SLC49A4: variants seen among roughly 807,000 people sequenced by gnomAD.
SLC49A4 encodes disrupted in renal cancer protein 2.
In SLC49A4, 36 loss-of-function variants were observed where a neutral mutation model predicts 50.6. The ratio of observed to expected loss-of-function variants is 0.71; its 90% CI spans 0.55 to 0.94. SLC49A4 has a LOEUF of 0.94. Among genes scored for constraint, SLC49A4 ranks in the 40% least tolerant of loss-of-function variants. The probability of loss-of-function intolerance (pLI) is 0.00; values close to 1 mark genes in which losing one functional copy is unlikely to be tolerated. For synonymous variants in SLC49A4, 248 were observed against 241.2 expected (o/e 1.03, Z -0.26); for missense variants, 503 against 605.7 (o/e 0.83, Z 1.78).
chr3:122,818,074 A>G (rs1936398929), intron 2 of SLC49A4, among the ~76,000 whole-genome samples: 1 of 152,208 alleles, frequency 6.6e-6, no homozygotes, highest in South Asian at 2.1e-4. Flanking sequence ...GAAAGTAGCT[A>G]ATATTCACAT....
chr3:122,827,170 G>C (rs1164699163), intron 3 of SLC49A4, 105 bp downstream of exon 3: 6 of 1,255,744 alleles, frequency 4.8e-6, no homozygotes, highest in Non-Finnish European at 6.6e-6. Context: ...TACTTGAGAG[G>C]ACTAATATGT....
At chr3:122,869,928 C>T (rs1340505434) in intron 7 of SLC49A4, among the ~76,000 whole-genome samples, 1 of 152,090 alleles carries the variant, frequency 6.6e-6, no homozygotes, top group African/African-American at 2.4e-5. Flanking sequence ...TTTCTTTGTA[C>T]CATGCTTGAT....
intron 8 of SLC49A4, 98 bp downstream of exon 8, chr3:122,872,695 G>A (rs1309708968): frequency 4.6e-5 from 36 of 785,356 alleles, no homozygotes; most frequent in Non-Finnish European, 2.1e-5. Flanking sequence ...GTCTCACCAA[G>A]GCAAATTACT....
chr3:122,873,681 CAT>C (rs1205647171), intron 8 of SLC49A4, among the ~76,000 whole-genome samples: 1 of 152,162 alleles, frequency 6.6e-6, no homozygotes, highest in East Asian at 1.9e-4. Context: ...TTTGGTTTAT[CAT>C]ATGAAGGAGA....
rs770817744 is a variant in SLC49A4, at chr3:122,872,584, A to G, written c.1308A>G (p.Thr436=). The G allele has an allele frequency of 5.7e-6, 9 of 1,581,802 alleles. No homozygotes were observed. In the Admixed American group the frequency reaches 1.4e-4, roughly 25 times the overall value. ...MFMGVLLFFL[T]FYHTELSWFN... is the part of the protein sequence containing the mutation. ...TGGGAGTACTTTTATTTTTTCTCAC[A>G]TTTTATCATACAGGTAAGAAATTTG... is the stretch of plus-strand genomic sequence containing the variant. Residue 436 remains threonine, a synonymous_variant, in exon 8 of 9, where the codon ACA becomes ACG. Transcript: ENST00000261038.
At chr3:122,816,616 A>G (rs144474837) in intron 2 of SLC49A4, among the ~76,000 whole-genome samples, 40 of 152,338 alleles carry the variant, frequency 2.6e-4, no homozygotes, top group African/African-American at 9.4e-4. Flanking sequence ...TGGTTCAAAC[A>G]AGACAATATT....
At chr3:122,844,226 A>C (rs886086813) in intron 4 of SLC49A4, among the ~76,000 whole-genome samples, 1 of 152,140 alleles carries the variant, frequency 6.6e-6, no homozygotes, top group African/African-American at 2.4e-5. Flanking sequence ...GCACACCACT[A>C]TACCTGGCTA....
chr3:122,823,712 A>G (rs1161071222), intron 2 of SLC49A4, among the ~76,000 whole-genome samples: 1 of 152,234 alleles, frequency 6.6e-6, no homozygotes, highest in East Asian at 1.9e-4. Context: ...CTTAGGGTCA[A>G]TATTTTTCCA....
At chr3:122,830,826 C>T (rs911922674) in intron 3 of SLC49A4, among the ~76,000 whole-genome samples, 9 of 152,140 alleles carry the variant, frequency 5.9e-5, no homozygotes, top group African/African-American at 2.2e-4. Context: ...TCAAAGAACC[C>T]AGAGAGTGAA....
rs1331004189 is a variant in SLC49A4, at chr3:122,880,064, ATAAT to A, written c.*689_*692del. ...ACAATTTCATCTACTAGGCCCTTAAATAATTATGTGAGGGTGTCTAAATGTTTAA... is the reference window on the plus strand; with the variant it reads ...ACAATTTCATCTACTAGGCCCTTAAATATGTGAGGGTGTCTAAATGTTTAA... On this transcript the variant is annotated 3_prime_UTR_variant, in exon 9 of 9. Coordinates refer to ENST00000261038, the MANE Select transcript of SLC49A4 (RefSeq NM_032839.3). The A allele has an allele frequency of 6.6e-6, 1 of 152,424 alleles. No individual in the cohort carries two copies. The highest frequency in any genetic ancestry group is 1.9e-4 in the East Asian group (1 of 5,202). The allele number at this position is 152,424 out of a possible 1,614,324, so 9.4% of individuals were successfully genotyped here.
At chr3:122,848,647 G>A (rs1406615318) in intron 5 of SLC49A4, among the ~76,000 whole-genome samples, 5 of 151,966 alleles carry the variant, frequency 3.3e-5, no homozygotes, top group Admixed American at 1.3e-4. Flanking sequence ...TTGAAGCTGA[G>A]CAGCTTTTAA....
At chr3:122,797,396 A>G (rs112746885) in intron 1 of SLC49A4, among the ~76,000 whole-genome samples, 1 of 152,246 alleles carries the variant, frequency 6.6e-6, no homozygotes, top group Admixed American at 6.5e-5. Context: ...GAGGCAAGAT[A>G]TAGACTATGT....
intron 2 of SLC49A4, among the ~76,000 whole-genome samples, chr3:122,815,233 A>G (rs141830878): frequency 0.032 from 4,869 of 152,090 alleles, 110 homozygotes; most frequent in Middle Eastern, 0.078. Context: ...AGGATTACAG[A>G]CACCTGCCAC....
chr3:122,831,346 A>G (rs980932301), intron 3 of SLC49A4, among the ~76,000 whole-genome samples: 1 of 152,152 alleles, frequency 6.6e-6, no homozygotes, highest in African/African-American at 2.4e-5. Context: ...TATAATAGCG[A>G]AAAAGTGGAA....
At chr3:122,837,627 A>G (rs1341969143) in intron 4 of SLC49A4, among the ~76,000 whole-genome samples, 2 of 152,208 alleles carry the variant, frequency 1.3e-5, no homozygotes, top group East Asian at 3.8e-4. Flanking sequence ...AACCTGGGCA[A>G]TACCATTCAG....
At chr3:122,866,308 T>C (rs1021975953) in intron 7 of SLC49A4, among the ~76,000 whole-genome samples, 1 of 151,746 alleles carries the variant, frequency 6.6e-6, no homozygotes, top group African/African-American at 2.4e-5. Flanking sequence ...TCCCAAAATG[T>C]TGGGATTGCA....
intron 7 of SLC49A4, among the ~76,000 whole-genome samples, chr3:122,866,284 C>A (rs898771955): frequency 6.9e-6 from 1 of 145,128 alleles, no homozygotes; most frequent in African/African-American, 2.6e-5. Context: ...TTAAGCGATT[C>A]GCCCACCTTG....
intron 2 of SLC49A4, among the ~76,000 whole-genome samples, chr3:122,812,926 A>G (rs1009242468): frequency 2.6e-5 from 4 of 152,168 alleles, no homozygotes; most frequent in African/African-American, 4.8e-5. Context: ...ATAACCAGTC[A>G]TGATAAGCAT....
intron 7 of SLC49A4, among the ~76,000 whole-genome samples, chr3:122,868,684 A>G (rs913703280): frequency 1.4e-4 from 21 of 152,218 alleles, no homozygotes; most frequent in South Asian, 4.1e-4. Context: ...GAAGATCTCA[A>G]TCTAACCCCT....
Sources: gnomAD v4.1 joint callset for allele counts (sites outside exome capture counted in the v4.1 genomes callset) on GRCh38, gnomAD v4.1.1 for gene constraint, MANE v1.5 for transcripts, NCBI Gene and HGNC (gene_info 2026-07-23, HGNC 2026-07-21) for gene names.